ZNF777: variants seen among roughly 807,000 people sequenced by gnomAD.
ZNF777 encodes the protein zinc finger protein 777.
A neutral mutation model predicts 72.1 loss-of-function variants in ZNF777; 7 were observed. The observed-to-expected ratio is 0.10, with a 90% CI of 0.06 to 0.18. The LOEUF is 0.18. Ranked by LOEUF, ZNF777 falls within the 10% of genes least tolerant of loss-of-function variation. ZNF777 has a pLI of 1.00. For synonymous variants in ZNF777, 545 were observed against 483.5 expected, an observed-to-expected ratio of 1.13 and a Z score of -1.67; for missense variants, 828 against 1,128.6, an observed-to-expected ratio of 0.73 and a Z score of 3.82.
intron 4 of ZNF777, among the ~76,000 whole-genome samples, chr7:149,439,869 ATC>A (rs1374609848): frequency 1.3e-5 from 2 of 152,258 alleles, no homozygotes; most frequent in African/African-American, 2.4e-5. Context: ...TGGGAAATGT[ATC>A]TCTTATAAGG....
At chr7:149,437,799 C>CTTTTTTTTTTTTTTT (rs796721387) in intron 4 of ZNF777, among the ~76,000 whole-genome samples, 1 of 115,658 alleles carries the variant, frequency 8.6e-6, no homozygotes. Context: ...ATGTTTGTTT[C>CTTTTTTTTTTTTTTT]TTTTTCTTTT....
chr7:149,456,175 T>G, intron 1 of ZNF777, 138 bp from the exon 2 acceptor site: 15 of 858,568 alleles, frequency 1.7e-5, no homozygotes, highest in Non-Finnish European at 2.0e-5. Context: ...TGTGAATCTC[T>G]TCTAGAGACC....
intron 4 of ZNF777, among the ~76,000 whole-genome samples, chr7:149,442,400 C>T (rs1432484457): frequency 1.3e-5 from 2 of 151,574 alleles, no homozygotes; most frequent in African/African-American, 2.4e-5. Context: ...GGTGGATCAC[C>T]AGAGGTCAGG....
At chr7:149,448,510 T>TAAAA (rs1554493981) in intron 4 of ZNF777, among the ~76,000 whole-genome samples, 3 of 122,364 alleles carry the variant, frequency 2.5e-5, no homozygotes, top group Non-Finnish European at 4.8e-5. Flanking sequence ...TATATATATA[T>TAAAA]AACTATATAT....
At chr7:149,434,149 T>C (rs1237332223) in intron 5 of ZNF777, among the ~76,000 whole-genome samples, 1 of 152,146 alleles carries the variant, frequency 6.6e-6, no homozygotes, top group Non-Finnish European at 1.5e-5. Context: ...TGTTTCCAAA[T>C]AGAAAATGAA....
At chr7:149,450,852 T>A (rs1441268627) in intron 4 of ZNF777, 147 bp downstream of exon 4, 1 of 634,912 alleles carries the variant, frequency 1.6e-6, no homozygotes, top group Non-Finnish European at 2.6e-6. Context: ...ATCATGGCAC[T>A]CCAAAGCAGG....
In ZNF777 at chr7:149,451,035, A is replaced by G. The variant is rs757442815; in HGVS notation, c.1051T>C (p.Ser351Pro). The change falls in exon 4 of 6, where the codon TCT (serine) becomes CCT (proline). Residue 351 changes from serine to proline, a missense_variant. Coordinates refer to ENST00000247930, the MANE Select transcript of ZNF777 (RefSeq NM_015694.3). ...TCTGTCGGCGTTTCGCCCTCCTCAG[A>G]GTCTTCCTGCTCCTGCATGGTGGGC... ...ERPTMQEQED[S>P]EEGETPTDPS... 2 of 1,613,852 alleles carry G rather than the reference A, an allele frequency of 1.2e-6. No homozygotes were observed. The highest frequency in any genetic ancestry group is 1.7e-6 in the Non-Finnish European group (2 of 1,180,018).
rs1563237779 is a variant in ZNF777 at position 149,448,572 on chromosome 7, CATATAACTATATA to C, written c.1087+2414_1087+2426del. Reference sequence around the variant, plus strand: ...TTATACATATAGTTATATAGTTATACATATAACTATATATATATATATATATATATATATATAT... The same window carrying C: ...TTATACATATAGTTATATAGTTATACTATATATATATATATATATATATAT... On this transcript the variant is annotated intron_variant, in intron 4 of 5. Transcript: ENST00000247930. 6.3e-4 allele frequency among the ~76,000 whole-genome samples: 66 copies of C among 105,562 alleles called. No homozygotes were observed. The South Asian group carries it at 9.8e-3, about 16-fold the overall frequency. 69.3% of individuals were successfully genotyped at this position (105,562 alleles called of 152,430 possible).
chr7:149,455,226 T>C lies in ZNF777; in HGVS notation c.797A>G (p.Asn266Ser). The C allele has an allele frequency of 6.2e-7, 1 of 1,614,086 alleles. No individual in the cohort carries two copies. Among genetic ancestry groups the C allele is most frequent in the Non-Finnish European group, 8.5e-7 (1 of 1,180,024 alleles). Residue 266 changes from asparagine (N) to serine (S), a missense_variant, in exon 2 of 6, where the codon AAT becomes AGT. Around this residue, in one of 12 missense-constraint regions of ZNF777, gnomAD observed 76 missense variants for 157.3 expected, o/e 0.48. Transcript: ENST00000247930. This position sits in a 1 kb window ranked among gnomAD's most constrained non-coding sequence, Gnocchi z 4.2. ...GGGGGGCAGCCGCAGGATCCAGAAA[T>C]TTCTGTTTTTCAGCAGGTTCTCCAT... ...ENMENLLKNR[N>S]FWILRLPPGS...
intron 3 of ZNF777, 21 bp downstream of exon 3, chr7:149,454,090 C>G: frequency 6.2e-7 from 1 of 1,613,550 alleles, no homozygotes; most frequent in Non-Finnish European, 8.5e-7. Context: ...CAGCCCCCAG[C>G]GAGCGAAGGC....
At chr7:149,451,149 T>C (rs756490694) in intron 3 of ZNF777, 37 bp from the exon 4 acceptor site, 7 of 1,579,062 alleles carry the variant, frequency 4.4e-6, no homozygotes, top group Non-Finnish European at 6.1e-6. Context: ...TGCTCTGGGA[T>C]GAGGTTGCAC....
intron 3 of ZNF777, among the ~76,000 whole-genome samples, chr7:149,453,488 A>G (rs1180880863): frequency 2.0e-5 from 3 of 152,208 alleles, no homozygotes; most frequent in Non-Finnish European, 2.9e-5. Context: ...TAAGTAAAGT[A>G]TATTTTTCCA....
intron 4 of ZNF777, among the ~76,000 whole-genome samples, chr7:149,444,676 A>G (rs112860981): frequency 6.6e-6 from 1 of 152,224 alleles, no homozygotes; most frequent in African/African-American, 2.4e-5. Flanking sequence ...AAGTTGGAAA[A>G]TATTTTCCTT....
intron 5 of ZNF777, among the ~76,000 whole-genome samples, chr7:149,435,659 G>A (rs920680572): frequency 2.6e-5 from 4 of 152,036 alleles, no homozygotes; most frequent in African/African-American, 7.2e-5. Flanking sequence ...CAATACAAAC[G>A]TAATGGTGAA....
At chr7:149,433,896 G>A (rs7795897) in intron 5 of ZNF777, among the ~76,000 whole-genome samples, 2 of 152,178 alleles carry the variant, frequency 1.3e-5, no homozygotes, top group African/African-American at 4.8e-5. Context: ...GCACTAACTG[G>A]TGAGTTCTAT....
chr7:149,453,688 AGAT>A (rs1799768483), intron 3 of ZNF777, among the ~76,000 whole-genome samples: 1 of 152,234 alleles, frequency 6.6e-6, no homozygotes, highest in Non-Finnish European at 1.5e-5. Context: ...AGGTCCAAGG[AGAT>A]GATACTTGTA....
Position 149,431,546 on chromosome 7 carries a change from GGT to G in ZNF777, c.*228_*229del, listed in dbSNP as rs1420095389. ...GTCAAGGAAATTAACAGCCCGAAAG[GGT>G]TCCCCAGGTCCGCGCCCTCCCCCCT... On this transcript the variant is annotated 3_prime_UTR_variant, in exon 6 of 6. Coordinates refer to ENST00000247930, the MANE Select transcript of ZNF777 (RefSeq NM_015694.3). 2 of 460,172 alleles carry G rather than the reference GGT, an allele frequency of 4.3e-6. No homozygotes were observed. Among genetic ancestry groups the G allele is most frequent in the Non-Finnish European group, 8.6e-6 (2 of 233,394 alleles). The allele number at this position is 460,172 out of a possible 1,614,324, so 28.5% of individuals were successfully genotyped here.
intron 4 of ZNF777, among the ~76,000 whole-genome samples, chr7:149,450,578 C>T (rs1799694776): frequency 1.3e-5 from 2 of 152,204 alleles, no homozygotes; most frequent in African/African-American, 4.8e-5. Flanking sequence ...CCTGCTGAAG[C>T]TGTGCATGTA....
rs1428604346 is a variant in ZNF777, at chr7:149,454,166, C to A, written c.918G>T (p.Gln306His). Residue 306 changes from glutamine (Q) to histidine (H), a missense_variant, in exon 3 of 6, where the codon CAG becomes CAT. Around this residue, in one of 12 missense-constraint regions of ZNF777, gnomAD observed 73 missense variants for 90.6 expected, o/e 0.81. Coordinates refer to ENST00000247930, the MANE Select transcript of ZNF777 (RefSeq NM_015694.3). ...EQEWGNLSEW[Q>H]KELYKNVMRG... ...TCATCACGTTCTTGTAGAGCTCCTT[C>A]TGCCACTCAGACAGGTTTCCCCACT... is the stretch of plus-strand genomic sequence containing the variant. 3.1e-6 allele frequency: 5 copies of A among 1,614,240 alleles called. 1 individual carries two copies. The highest frequency in any genetic ancestry group is 2.2e-5 in the South Asian group (2 of 91,086).
Sources: gnomAD v4.1 joint callset for allele counts (sites outside exome capture counted in the v4.1 genomes callset) on GRCh38, gnomAD v4.1.1 for gene constraint, gnomAD v4.1.1 regional missense constraint, Gnocchi (gnomAD v3.1) non-coding constraint, MANE v1.5 for transcripts, NCBI Gene and HGNC (gene_info 2026-07-23, HGNC 2026-07-21) for gene names.